Variants in SYTL1 observed in about 807,000 individuals in gnomAD.
The protein encoded by SYTL1 is synaptotagmin like 1.
Under a neutral mutation model 74.6 loss-of-function variants are expected in SYTL1, and 53 were observed. The ratio of observed to expected loss-of-function variants is 0.71; its 90% CI spans 0.57 to 0.89. The LOEUF (loss-of-function observed/expected upper bound fraction) is 0.89. SYTL1 is among the 40% of genes least tolerant of loss of function. SYTL1 has a pLI of 0.00. For missense variants in SYTL1, 728 were observed against 768.7 expected (o/e 0.95, Z 0.63); for synonymous variants, 329 against 324.9 (o/e 1.01, Z -0.14).
rs958460579 is a variant in SYTL1 at position 27,351,893 on chromosome 1, C to A, written c.1343+338C>A. ...AGCTTCTAGGGGACTTCTAGGGGTG[C>A]CTCCAGGTGCTGCCCCCACTGTTAG... On this transcript the variant is annotated intron_variant, in intron 13 of 14. Transcript: ENST00000616558. This position sits in a 1 kb window ranked among gnomAD's most constrained non-coding sequence, Gnocchi z 5.0. 4.3e-6 allele frequency: 1 copy of A among 235,268 alleles called. No individual in the cohort carries two copies. Among genetic ancestry groups the A allele is most frequent in the African/African-American group, 2.3e-5 (1 of 44,176 alleles). 14.6% of individuals were successfully genotyped at this position (235,268 alleles called of 1,614,324 possible). A position where few individuals can be genotyped will look rare whatever the true frequency, so the allele number is the denominator to read the frequency against.
Position 27,350,759 on chromosome 1 carries a change from G to C in SYTL1, c.1006-35G>C. On this transcript the variant is annotated intron_variant, in intron 10 of 14. Transcript: ENST00000616558. This position sits in a 1 kb window ranked among gnomAD's most constrained non-coding sequence, Gnocchi z 6.3. ...CGCGCAGCATCTACGCGGGCCACCA[G>C]CAGTGCTCCACTAAAGCTCACCTCC... 6.2e-7 allele frequency: 1 copy of C among 1,607,220 alleles called. No homozygotes were observed.
Position 27,351,296 on chromosome 1 carries a change from A to T in SYTL1, c.1203A>T (p.Leu401Phe). The change falls in exon 12 of 15, where the codon TTA becomes TTT. Residue 401 changes from leucine to phenylalanine, a missense_variant. Coordinates refer to ENST00000616558, the MANE Select transcript of SYTL1 (RefSeq NM_001193308.2). The surrounding 1 kb of genome is among the most constrained non-coding windows in gnomAD (Gnocchi z 5.0). ...CCGACGACCTTCCGAGCCGCGGGTTACTCGCCCTGTCCCTCAAGTACGTCC... is the reference window on the plus strand; with the variant it reads ...CCGACGACCTTCCGAGCCGCGGGTTTCTCGCCCTGTCCCTCAAGTACGTCC... ...PSPDDLPSRG[L>F]LALSLKYVPA... is the part of the protein sequence containing the mutation. The T allele has an allele frequency of 6.4e-7, 1 of 1,561,840 alleles. No homozygotes were observed. Among genetic ancestry groups the T allele is most frequent in the Admixed American group, 1.9e-5 (1 of 52,836 alleles).
intron 1 of SYTL1, among the ~76,000 whole-genome samples, chr1:27,344,378 C>T (rs1183277518): frequency 6.6e-6 from 1 of 151,892 alleles, no homozygotes; most frequent in African/African-American, 2.4e-5. Flanking sequence ...GCTGGGATTA[C>T]AGGGGTGAGC....
chr1:27,350,363 C>G lies in SYTL1; in HGVS notation c.909-26C>G, dbSNP rs376901899. The G allele has an allele frequency of 5.0e-6, 8 of 1,606,542 alleles. No individual in the cohort carries two copies. The African/African-American group carries it at 8.0e-5, about 16-fold the overall frequency. On this transcript the variant is annotated intron_variant, in intron 9 of 14. Transcript: ENST00000616558. The surrounding 1 kb of genome is among the most constrained non-coding windows in gnomAD (Gnocchi z 6.3). ...GGAGAAGGCTCTGGGAGGGCCCCTC[C>G]TCACCTCGGGTTCTCACCTCCCCAG...
At chr1:27,352,381 G>C (rs1248903583) in intron 13 of SYTL1, 2 of 152,110 alleles carry the variant, frequency 1.3e-5, no homozygotes, top group Non-Finnish European at 2.9e-5. Flanking sequence ...GAGGGGTGGT[G>C]GTGGAGCAAC....
chr1:27,351,621 A>G lies in SYTL1; in HGVS notation c.1343+66A>G. ...TGCAGTGGAGTGCCCAACCTCCACA[A>G]ACCCTTACTAATCAACCTTTGATCA... is the stretch of plus-strand genomic sequence containing the variant. On this transcript the variant is annotated intron_variant, in intron 13 of 14. Coordinates refer to ENST00000616558, the MANE Select transcript of SYTL1 (RefSeq NM_001193308.2). This position sits in a 1 kb window ranked among gnomAD's most constrained non-coding sequence, Gnocchi z 5.0. 2.0e-6 allele frequency: 2 copies of G among 1,023,068 alleles called. No homozygotes were observed. The highest frequency in any genetic ancestry group is 2.8e-6 in the Non-Finnish European group (2 of 706,468). 63.4% of individuals were successfully genotyped at this position (1,023,068 alleles called of 1,614,324 possible). A position where few individuals can be genotyped will look rare whatever the true frequency, so the allele number is the denominator to read the frequency against.
intron 7 of SYTL1, 69 bp downstream of exon 7, chr1:27,349,567 C>G (rs779790820): frequency 2.9e-5 from 44 of 1,502,792 alleles, no homozygotes; most frequent in Non-Finnish European, 3.2e-5. Context: ...CGCTCCTGCC[C>G]AGGGCTGCGA....
chr1:27,352,390 A>G (rs2015312712), intron 13 of SYTL1: 1 of 152,180 alleles, frequency 6.6e-6, no homozygotes, highest in Non-Finnish European at 1.5e-5. Flanking sequence ...TGGTGGAGCA[A>G]CAGGGAGATA....
At chr1:27,352,250 A>C (rs1271373787) in intron 13 of SYTL1, 1 of 151,872 alleles carries the variant, frequency 6.6e-6, no homozygotes, top group African/African-American at 2.4e-5. Flanking sequence ...CTGAGGCGGG[A>C]GAATCACTCG....
Position 27,347,947 on chromosome 1 carries a change from C to T in SYTL1, c.414-20C>T, listed in dbSNP as rs1431132558. ...TCACCAGGGTCCCTCCCTCTGAGAG[C>T]GTCCTCTCCCTACTCCTAGGCTCAC... On this transcript the variant is annotated intron_variant, in intron 4 of 14. Transcript: ENST00000616558. The surrounding 1 kb of genome is among the most constrained non-coding windows in gnomAD (Gnocchi z 4.9). 1.4e-5 allele frequency: 23 copies of T among 1,613,912 alleles called. No individual in the cohort carries two copies. Among genetic ancestry groups the T allele is most frequent in the African/African-American group, 6.7e-5 (5 of 74,922 alleles).
rs1164234344 is a variant in SYTL1 at position 27,349,133 on chromosome 1, G to A, written c.513G>A (p.Glu171=). 6.2e-7 allele frequency: 1 copy of A among 1,614,056 alleles called. No individual in the cohort carries two copies. The highest frequency in any genetic ancestry group is 8.5e-7 in the Non-Finnish European group (1 of 1,179,948). The change falls in exon 6 of 15, where the codon GAG becomes GAA. Residue 171 remains glutamate, a synonymous_variant. Coordinates refer to ENST00000616558, the MANE Select transcript of SYTL1 (RefSeq NM_001193308.2). ...SVPLKASDPE[E]ASQAQEDPGQ... ...CCCTAAAGGCTTCAGATCCTGAGGAGGCGTCCCAGGCCCAGGAAGGTGAGT... is the reference window on the plus strand; with the variant it reads ...CCCTAAAGGCTTCAGATCCTGAGGAAGCGTCCCAGGCCCAGGAAGGTGAGT...
At position 27,351,411 on chromosome 1, in the gene SYTL1, G is replaced by A; in HGVS notation, c.1244-45G>A. On this transcript the variant is annotated intron_variant, in intron 12 of 14. Coordinates refer to ENST00000616558, the MANE Select transcript of SYTL1 (RefSeq NM_001193308.2). The surrounding 1 kb of genome is among the most constrained non-coding windows in gnomAD (Gnocchi z 5.0). ...GACTCCAGTCCCCGGGTTTGGGGGC[G>A]GTGGACTCCATCCGTGTGCGGGCCT... 1.3e-6 allele frequency: 2 copies of A among 1,504,144 alleles called. No homozygotes were observed. The highest frequency in any genetic ancestry group is 1.3e-5 in the South Asian group (1 of 78,098). The allele number at this position is 1,504,144 out of a possible 1,614,324, so 93.2% of individuals were successfully genotyped here.
Position 27,348,878 on chromosome 1 carries a change from G to A in SYTL1, c.460-202G>A, listed in dbSNP as rs553595794. 2.6e-5 allele frequency among the ~76,000 whole-genome samples: 4 copies of A among 152,336 alleles called. No individual in the cohort carries two copies. The East Asian group carries it at 7.7e-4, about 29-fold the overall frequency. On this transcript the variant is annotated intron_variant, in intron 5 of 14. Coordinates refer to ENST00000616558, the MANE Select transcript of SYTL1 (RefSeq NM_001193308.2). The surrounding 1 kb of genome is among the most constrained non-coding windows in gnomAD (Gnocchi z 4.1). ...CCCCACCAATGGGAGTAGGGAGTCA[G>A]GCGGCACAAGCCCTGCGGGGTGGGC...
chr1:27,344,720 C>A (rs1424189956), intron 1 of SYTL1, among the ~76,000 whole-genome samples: 1 of 150,992 alleles, frequency 6.6e-6, no homozygotes, highest in Non-Finnish European at 1.5e-5. Context: ...CGTGATGGTG[C>A]GTGCCTATAA....
At chr1:27,344,005 C>G (rs538386786) in intron 1 of SYTL1, among the ~76,000 whole-genome samples, 1 of 151,676 alleles carries the variant, frequency 6.6e-6, no homozygotes, top group South Asian at 2.1e-4. Flanking sequence ...CATCTCAGCT[C>G]ACTGCAACCT....
chr1:27,349,936 C>A lies in SYTL1; in HGVS notation c.748-36C>A, dbSNP rs753300759. The stretch of plus-strand genomic sequence containing the variant: ...GCCCGCGGCCCCGACGTGAGCCCTG[C>A]GAGCGGCCCTGACTCCCACCCACTC... On this transcript the variant is annotated intron_variant, in intron 8 of 14. Transcript: ENST00000616558. 58 of 1,563,304 alleles carry A rather than the reference C, an allele frequency of 3.7e-5. 1 individual carries two copies. Among genetic ancestry groups the A allele is most frequent in the African/African-American group, 9.5e-5 (7 of 73,514 alleles).
rs1195518517 is a variant in SYTL1 at position 27,350,161 on chromosome 1, C to T, written c.908+29C>T. On this transcript the variant is annotated intron_variant, in intron 9 of 14. Coordinates refer to ENST00000616558, the MANE Select transcript of SYTL1 (RefSeq NM_001193308.2). This position sits in a 1 kb window ranked among gnomAD's most constrained non-coding sequence, Gnocchi z 6.3. ...AGTGCCCCGCCGGCCAAGCGGGGCG[C>T]GGCTGTCACAGCCCAGCCCACCATT... is the stretch of plus-strand genomic sequence containing the variant. The T allele has an allele frequency of 1.2e-5, 17 of 1,418,898 alleles. No individual in the cohort carries two copies. Among genetic ancestry groups the T allele is most frequent in the Non-Finnish European group, 1.5e-5 (16 of 1,086,450 alleles). The allele number at this position is 1,418,898 out of a possible 1,614,324, so 87.9% of individuals were successfully genotyped here.
rs1196584083 is a variant in SYTL1 at position 27,350,000 on chromosome 1, G to C, written c.776G>C (p.Gly259Ala). 1.9e-6 allele frequency: 3 copies of C among 1,567,174 alleles called. No homozygotes were observed. The highest frequency in any genetic ancestry group is 2.6e-6 in the Non-Finnish European group (3 of 1,165,832). The change falls in exon 9 of 15, where the codon GGC becomes GCC. Residue 259 changes from glycine to alanine, a missense_variant. Coordinates refer to ENST00000616558, the MANE Select transcript of SYTL1 (RefSeq NM_001193308.2). Reference sequence around the variant, plus strand: ...AGCGGCAGCCAGATGAGCCTGTCAGGCGACGCGGAGGCGGTGCAGGTCCGC... The same window carrying C: ...AGCGGCAGCCAGATGAGCCTGTCAGCCGACGCGGAGGCGGTGCAGGTCCGC... ...TLSGSQMSLS[G>A]DAEAVQVRGS...
chr1:27,348,054 G>A lies in SYTL1; in HGVS notation c.459+42G>A. The A allele has an allele frequency of 6.2e-7, 1 of 1,603,496 alleles. No homozygotes were observed. The highest frequency in any genetic ancestry group is 8.5e-7 in the Non-Finnish European group (1 of 1,170,498). Reference sequence around the variant, plus strand: ...ACATGTGAGTACAGTGTCCCTGGAGGGGAGGTGGAATGTGCAGGGGGCAGG... The same window carrying A: ...ACATGTGAGTACAGTGTCCCTGGAGAGGAGGTGGAATGTGCAGGGGGCAGG... On this transcript the variant is annotated intron_variant, in intron 5 of 14. Coordinates refer to ENST00000616558, the MANE Select transcript of SYTL1 (RefSeq NM_001193308.2). The surrounding 1 kb of genome is among the most constrained non-coding windows in gnomAD (Gnocchi z 4.1).
Sources: gnomAD v4.1 joint callset for allele counts (sites outside exome capture counted in the v4.1 genomes callset) on GRCh38, gnomAD v4.1.1 for gene constraint, Gnocchi (gnomAD v3.1) non-coding constraint, MANE v1.5 for transcripts, NCBI Gene and HGNC (gene_info 2026-07-23, HGNC 2026-07-21) for gene names.